TRHDE: variants seen among roughly 807,000 people sequenced by gnomAD.
TRHDE encodes the protein thyrotropin releasing hormone degrading enzyme.
A neutral mutation model predicts 125.7 loss-of-function variants in TRHDE; 72 were observed. The ratio of observed to expected loss-of-function variants is 0.57; its 90% CI spans 0.47 to 0.70. The LOEUF (loss-of-function observed/expected upper bound fraction) is 0.70, where lower values mean the gene tolerates loss of function less well. Ranked by LOEUF, TRHDE falls within the 30% of genes least tolerant of loss-of-function variation. The probability of loss-of-function intolerance (pLI) is 0.00; values close to 1 mark genes in which losing one functional copy is unlikely to be tolerated. For synonymous variants in TRHDE, 509 were observed against 509.1 expected (o/e 1.00, Z 0.00); for missense variants, 1,110 against 1,327.1 (o/e 0.84, Z 2.54).
chr12:72,110,543 C>T (rs569839517), intron 2 of TRHDE, among the ~76,000 whole-genome samples: 45 of 152,078 alleles, frequency 3.0e-4, no homozygotes, highest in Non-Finnish European at 4.3e-4. Flanking sequence ...TTATTCAACG[C>T]TAATTTCTAC....
At position 72,206,104 on chromosome 12, in the gene TRHDE, T is replaced by C. The variant is rs2139358056; in HGVS notation, n.279+100352T>C. Among the ~76,000 whole-genome samples the C allele has an allele frequency of 1.3e-5, 2 of 151,096 alleles. 1 individual carries two copies. The highest frequency in any genetic ancestry group is 4.2e-4 in the South Asian group (2 of 4,748). On this transcript the variant is annotated intron_variant and non_coding_transcript_variant, in intron 2 of 4. Coordinates refer to the TRHDE transcript ENST00000548156. ...AGGACAGATTTTTTTTTTTTTTTTT[T>C]GAGATGGAGTCTTGCTGTGTCATGC...
chr12:72,450,525 C>G (rs1429568190), intron 3 of TRHDE, among the ~76,000 whole-genome samples: 1 of 152,022 alleles, frequency 6.6e-6, no homozygotes, highest in Non-Finnish European at 1.5e-5. Flanking sequence ...TTACCTACCT[C>G]ACATACTTAT....
intron 2 of TRHDE, chr12:72,140,415 C>G (rs1343940483): frequency 6.6e-6 from 1 of 152,048 alleles, no homozygotes; most frequent in African/African-American, 2.4e-5. Context: ...TTCACTTTTC[C>G]TGACAGAACT....
chr12:72,520,504 G>C (rs112737559), intron 6 of TRHDE, among the ~76,000 whole-genome samples: 5 of 149,792 alleles, frequency 3.3e-5, no homozygotes, highest in African/African-American at 1.2e-4. Flanking sequence ...TTCTGCTTGC[G>C]CACGGTGCGC....
At chr12:72,172,811 T>C (rs1261655801) in intron 2 of TRHDE, among the ~76,000 whole-genome samples, 1 of 152,258 alleles carries the variant, frequency 6.6e-6, no homozygotes, top group Non-Finnish European at 1.5e-5. Flanking sequence ...GGATAGCTGC[T>C]TCTTAAAGAT....
intron 2 of TRHDE, among the ~76,000 whole-genome samples, chr12:72,240,337 ATATATATATATTTGTG>A (rs1878452519): frequency 6.8e-6 from 1 of 146,562 alleles, no homozygotes; most frequent in East Asian, 2.0e-4. Context: ...ATTTGTGTGT[ATATATATATATTTGTG>A]TATATATATA....
At chr12:72,620,050 A>G (rs1450423059) in intron 13 of TRHDE, among the ~76,000 whole-genome samples, 1 of 152,096 alleles carries the variant, frequency 6.6e-6, no homozygotes, top group African/African-American at 2.4e-5. Context: ...ATGCAAACAA[A>G]TGGGTCATTA....
chr12:72,496,155 A>G (rs890616772), intron 5 of TRHDE, among the ~76,000 whole-genome samples: 1 of 152,234 alleles, frequency 6.6e-6, no homozygotes, highest in African/African-American at 2.4e-5. Flanking sequence ...CAAACATTTC[A>G]ACACGCATGT....
At chr12:72,141,565 C>T (rs1372702316) in intron 2 of TRHDE, among the ~76,000 whole-genome samples, 4 of 152,180 alleles carry the variant, frequency 2.6e-5, no homozygotes, top group Non-Finnish European at 4.4e-5. Context: ...TTTATTATAG[C>T]AGTTTTGTGC....
intron 2 of TRHDE, among the ~76,000 whole-genome samples, chr12:72,295,153 T>TGGGGGGGGGGGG: frequency 4.2e-4 from 1 of 2,380 alleles, no homozygotes; most frequent in Admixed American, 5.3e-3. Flanking sequence ...GGGGGGTGGT[T>TGGGGGGGGGGGG]GGGGGGTGGG....
rs565679916 is a variant in TRHDE at position 72,104,349 on chromosome 12, C to G, written n.175-1299C>G. Among the ~76,000 whole-genome samples the G allele has an allele frequency of 4.3e-4, 65 of 152,204 alleles. No homozygotes were observed. In the South Asian group the frequency reaches 0.013, roughly 31 times the overall value. On this transcript the variant is annotated intron_variant and non_coding_transcript_variant, in intron 1 of 4. Transcript: ENST00000548156. Reference sequence around the variant, plus strand: ...TGCATGTGTGTGGCTTGGGTCATCTCTTGCTTCTGAAAGAGAGAATAGAGA... The same window carrying G: ...TGCATGTGTGTGGCTTGGGTCATCTGTTGCTTCTGAAAGAGAGAATAGAGA...
intron 17 of TRHDE, among the ~76,000 whole-genome samples, chr12:72,656,576 G>T (rs1009547828): frequency 3.9e-5 from 6 of 152,096 alleles, no homozygotes; most frequent in African/African-American, 1.4e-4. Flanking sequence ...AGTAAGCTAG[G>T]TTGCTTTGTA....
At chr12:72,380,980 A>T (rs548275597) in intron 3 of TRHDE, among the ~76,000 whole-genome samples, 2 of 152,090 alleles carry the variant, frequency 1.3e-5, no homozygotes, top group East Asian at 3.9e-4. Flanking sequence ...TTAATGTTGT[A>T]AAGGGTCATT....
intron 2 of TRHDE, among the ~76,000 whole-genome samples, chr12:72,140,780 C>G (rs2077377062): frequency 1.3e-5 from 2 of 152,150 alleles, no homozygotes; most frequent in African/African-American, 4.8e-5. Context: ...ATGGTTTTCT[C>G]AGGTATATGC....
intron 2 of TRHDE, among the ~76,000 whole-genome samples, chr12:72,220,835 A>C (rs1877985484): frequency 6.6e-6 from 1 of 152,058 alleles, no homozygotes; most frequent in African/African-American, 2.4e-5. Flanking sequence ...CTGCTACTGG[A>C]TATTTTTGAT....
At chr12:72,195,697 TC>T (rs1287327516) in intron 2 of TRHDE, among the ~76,000 whole-genome samples, 1 of 152,164 alleles carries the variant, frequency 6.6e-6, no homozygotes, top group African/African-American at 2.4e-5. Flanking sequence ...GTCAATAGTT[TC>T]TTTTGCTGTG....
At chr12:72,559,667 A>G (rs1470759773) in intron 7 of TRHDE, among the ~76,000 whole-genome samples, 1 of 152,212 alleles carries the variant, frequency 6.6e-6, no homozygotes, top group Non-Finnish European at 1.5e-5. Context: ...ATTTTATATC[A>G]TAATGTCAAA....
chr12:72,348,230 C>G (rs185953015), intron 2 of TRHDE, among the ~76,000 whole-genome samples: 2 of 151,802 alleles, frequency 1.3e-5, no homozygotes, highest in Admixed American at 6.6e-5. Flanking sequence ...ACAATTTACT[C>G]TCTTAGCAAT....
chr12:72,548,407 T>C (rs1348016465), intron 7 of TRHDE, among the ~76,000 whole-genome samples: 3 of 151,842 alleles, frequency 2.0e-5, no homozygotes, highest in Admixed American at 6.6e-5. Context: ...AGTGCTTACA[T>C]ACATATACAT....
Sources: allele counts gnomAD v4.1 joint callset (sites outside exome capture counted in the v4.1 genomes callset), GRCh38; gene constraint gnomAD v4.1.1; transcripts MANE v1.5; gene names NCBI Gene and HGNC (gene_info 2026-07-23, HGNC 2026-07-21).